CNTN2: variants seen among roughly 807,000 people sequenced by gnomAD.
CNTN2 encodes the protein contactin-2.
CNTN2 carries 53 observed loss-of-function variants against 117.5 expected under a neutral mutation model. That is an observed-to-expected ratio of 0.45 (90% CI 0.36 to 0.57). The LOEUF is 0.57. Ranked by LOEUF, CNTN2 falls within the 20% of genes least tolerant of loss-of-function variation. The probability of loss-of-function intolerance (pLI) is 0.00; values close to 1 mark genes in which losing one functional copy is unlikely to be tolerated. For missense variants in CNTN2, 1,106 were observed against 1,404.3 expected (o/e 0.79, Z 3.39); for synonymous variants, 530 against 561.7 (o/e 0.94, Z 0.80).
chr1:205,062,065 C>T, intron 9 of CNTN2, 64 bp downstream of exon 9: 1 of 1,561,618 alleles, frequency 6.4e-7, no homozygotes, highest in South Asian at 1.2e-5. Flanking sequence ...GTTCCCTCCC[C>T]CGCCCAGAAC....
intron 14 of CNTN2, 35 bp from the exon 15 acceptor site, chr1:205,066,406 A>T: frequency 6.2e-7 from 1 of 1,606,100 alleles, no homozygotes; most frequent in Non-Finnish European, 8.5e-7. Flanking sequence ...AAGCTGCCCA[A>T]TTCTGACCCA....
At chr1:205,069,337 C>G (rs531797366) in intron 16 of CNTN2, 154 bp from the exon 17 acceptor site, 4 of 615,666 alleles carry the variant, frequency 6.5e-6, no homozygotes, top group Non-Finnish European at 1.1e-5. Flanking sequence ...CTGCCTGACT[C>G]CAAAGCCTAT....
rs1178965528 is a variant in CNTN2 at position 205,067,412 on chromosome 1, G to C, written c.2125+162G>C. On this transcript the variant is annotated intron_variant, in intron 16 of 22. Transcript: ENST00000331830. ...AGGACAGAACACCAAGTTGGGACCA[G>C]GGCCACTGCATGGACAAACCATCTA... 5.1e-6 allele frequency: 4 copies of C among 776,938 alleles called. No individual in the cohort carries two copies. In the East Asian group the frequency reaches 1.2e-4, roughly 23 times the overall value. 48.1% of individuals were successfully genotyped at this position (776,938 alleles called of 1,614,324 possible).
Position 205,069,904 on chromosome 1 carries a change from G to T in CNTN2, c.2274G>T (p.Trp758Cys), listed in dbSNP as rs138673473. 1.1e-4 allele frequency: 178 copies of T among 1,613,706 alleles called. No individual in the cohort carries two copies. The highest frequency in any genetic ancestry group is 2.8e-4 in the Admixed American group (17 of 60,004). Residue 758 changes from tryptophan to cysteine, a missense_variant, in exon 18 of 23, where the codon TGG becomes TGT. Coordinates refer to ENST00000331830, the MANE Select transcript of CNTN2 (RefSeq NM_005076.5). Reference sequence around the variant, plus strand: ...TCCGCAGGCAGGGCAGCACTCACTGGCAGACCGCCCGGGTGCCTGGCGCCG... The same window carrying T: ...TCCGCAGGCAGGGCAGCACTCACTGTCAGACCGCCCGGGTGCCTGGCGCCG... Reference protein sequence around the residue: ...LSFRRQGSTHWQTARVPGADA... With the variant: ...LSFRRQGSTHCQTARVPGADA...
At position 205,065,445 on chromosome 1, in the gene CNTN2, G is replaced by A. The variant is rs1022855116; in HGVS notation, c.1695+183G>A. On this transcript the variant is annotated intron_variant, in intron 13 of 22. Transcript: ENST00000331830. This position sits in a 1 kb window ranked among gnomAD's most constrained non-coding sequence, Gnocchi z 4.1. Reference sequence around the variant, plus strand: ...CTGACCTTCCTGGATTCCACCCAGGGACCATGCATTTAGGAGAGGGTTAGG... The same window carrying A: ...CTGACCTTCCTGGATTCCACCCAGGAACCATGCATTTAGGAGAGGGTTAGG... Among the ~76,000 whole-genome samples the A allele has an allele frequency of 2.6e-5, 4 of 152,022 alleles. No individual in the cohort carries two copies. Among genetic ancestry groups the A allele is most frequent in the Non-Finnish European group, 5.9e-5 (4 of 67,998 alleles).
Position 205,076,537 on chromosome 1 carries a change from C to A in CNTN2, c.*2772C>A, listed in dbSNP as rs1056200614. On this transcript the variant is annotated 3_prime_UTR_variant, in exon 23 of 23. Coordinates refer to ENST00000331830, the MANE Select transcript of CNTN2 (RefSeq NM_005076.5). ...TTCTGGGTTATCTCCTCTCATACAT[C>A]AAGCCCCAGAGGAGGCGGCAAGAGG... 6.6e-6 allele frequency: 1 copy of A among 152,202 alleles called. No homozygotes were observed. Among genetic ancestry groups the A allele is most frequent in the Admixed American group, 6.5e-5 (1 of 15,282 alleles). 9.4% of individuals were successfully genotyped at this position (152,202 alleles called of 1,614,324 possible).
At chr1:205,047,484 G>C (rs2096443584) in intron 1 of CNTN2, among the ~76,000 whole-genome samples, 1 of 152,162 alleles carries the variant, frequency 6.6e-6, no homozygotes, top group South Asian at 2.1e-4. Context: ...CAGGAGGTGA[G>C]GGCTGTTGAG....
In CNTN2 at chr1:205,075,326, A is replaced by C; in HGVS notation, c.*1561A>C. 6.4e-6 allele frequency: 1 copy of C among 155,086 alleles called. No individual in the cohort carries two copies. The highest frequency in any genetic ancestry group is 1.4e-5 in the Non-Finnish European group (1 of 69,838). 9.6% of individuals were successfully genotyped at this position (155,086 alleles called of 1,614,324 possible). A position where few individuals can be genotyped will look rare whatever the true frequency, so the allele number is the denominator to read the frequency against. On this transcript the variant is annotated 3_prime_UTR_variant, in exon 23 of 23. Transcript: ENST00000331830. Reference sequence around the variant, plus strand: ...GGCAGAGCTTCTACCAAACTTCAACATGGAGGGCTGACTTGAAGCTCCCTG... The same window carrying C: ...GGCAGAGCTTCTACCAAACTTCAACCTGGAGGGCTGACTTGAAGCTCCCTG...
chr1:205,072,283 G>A (rs553906665), intron 20 of CNTN2, 150 bp downstream of exon 20: 2 of 893,276 alleles, frequency 2.2e-6, no homozygotes, highest in South Asian at 1.7e-5. Context: ...TGGAAATAAG[G>A]GAATGGAATT....
At chr1:205,054,819 G>A (rs1406750136) in intron 2 of CNTN2, among the ~76,000 whole-genome samples, 1 of 152,132 alleles carries the variant, frequency 6.6e-6, no homozygotes, top group African/African-American at 2.4e-5. Context: ...AGTGCAAGGA[G>A]GGGTATCAAG....
At chr1:205,056,094 G>A (rs988231462) in intron 2 of CNTN2, among the ~76,000 whole-genome samples, 2 of 152,150 alleles carry the variant, frequency 1.3e-5, no homozygotes, top group African/African-American at 2.4e-5. Flanking sequence ...AGATGCGAAG[G>A]GGTGTGTATG....
intron 14 of CNTN2, 135 bp from the exon 15 acceptor site, chr1:205,066,306 G>C: frequency 5.9e-6 from 6 of 1,016,854 alleles, no homozygotes; most frequent in Admixed American, 2.6e-5. Context: ...CCGCCCTCCC[G>C]CCTGGGTGTG....
intron 2 of CNTN2, among the ~76,000 whole-genome samples, chr1:205,053,984 G>A (rs867075132): frequency 3.3e-5 from 5 of 152,170 alleles, no homozygotes; most frequent in South Asian, 2.1e-4. Context: ...AGGGCAGGCC[G>A]AGAGCCACAG....
chr1:205,051,323 G>A (rs4951160), intron 1 of CNTN2, among the ~76,000 whole-genome samples: 33,448 of 152,152 alleles, frequency 0.22, 4,599 homozygotes, highest in East Asian at 0.64. Flanking sequence ...AATTTTTTGC[G>A]TAGACAGGGG....
chr1:205,069,664 A>G, intron 17 of CNTN2, 103 bp downstream of exon 17: 1 of 1,444,956 alleles, frequency 6.9e-7, no homozygotes, highest in South Asian at 1.2e-5. Flanking sequence ...AAACGCGGAT[A>G]ACTTCCTGTC....
At position 205,076,832 on chromosome 1, in the gene CNTN2, T is replaced by C. The variant is rs1654887576; in HGVS notation, c.*3067T>C. ...GGCCCAGCAAGGTCAGGTTATCTGC[T>C]TTCATTCAGGGCAACAAATGATACA... On this transcript the variant is annotated 3_prime_UTR_variant, in exon 23 of 23. Transcript: ENST00000331830. 6.6e-6 allele frequency: 1 copy of C among 152,340 alleles called. No homozygotes were observed. Among genetic ancestry groups the C allele is most frequent in the African/African-American group, 2.4e-5 (1 of 41,448 alleles). The allele number at this position is 152,340 out of a possible 1,614,324, so 9.4% of individuals were successfully genotyped here.
At chr1:205,045,081 G>A (rs2096439184) in intron 1 of CNTN2, among the ~76,000 whole-genome samples, 1 of 152,174 alleles carries the variant, frequency 6.6e-6, no homozygotes, top group Admixed American at 6.5e-5. Context: ...AGGTCCACCT[G>A]CCTCACAGGT....
At chr1:205,070,153 A>G in intron 18 of CNTN2, 92 bp downstream of exon 18, 1 of 1,290,520 alleles carries the variant, frequency 7.7e-7, no homozygotes. Context: ...CTCCCAGCTC[A>G]GTTCCATAGG....
Position 205,077,602 on chromosome 1 carries a change from G to A in CNTN2, c.*3837G>A, listed in dbSNP as rs1654924750. ...AAAAGCTCCATGGAAACAGGCACCT[G>A]GTAGCTGCGGAACACCCGTGGACTT... is the stretch of plus-strand genomic sequence containing the variant. On this transcript the variant is annotated 3_prime_UTR_variant, in exon 23 of 23. Transcript: ENST00000331830. The A allele has an allele frequency of 6.6e-6, 1 of 152,266 alleles. No individual in the cohort carries two copies. Among genetic ancestry groups the A allele is most frequent in the African/African-American group, 2.4e-5 (1 of 41,466 alleles). The allele number at this position is 152,266 out of a possible 1,614,324, so 9.4% of individuals were successfully genotyped here.
Sources: allele counts gnomAD v4.1 joint callset (sites outside exome capture counted in the v4.1 genomes callset), GRCh38; gene constraint gnomAD v4.1.1; non-coding constraint Gnocchi (gnomAD v3.1); transcripts MANE v1.5; gene names NCBI Gene and HGNC (gene_info 2026-07-23, HGNC 2026-07-21).